Variants in STARD13 observed in about 807,000 individuals in gnomAD.
STARD13 encodes StAR related lipid transfer domain containing 13.
Under a neutral mutation model 106.4 loss-of-function variants are expected in STARD13, and 62 were observed. The ratio of observed to expected loss-of-function variants is 0.58; its 90% CI spans 0.48 to 0.72. The LOEUF is 0.72. Ranked by LOEUF, STARD13 falls within the 30% of genes least tolerant of loss-of-function variation. The pLI, the probability that STARD13 is intolerant of heterozygous loss-of-function variation, is 0.00. For synonymous variants in STARD13, 565 were observed against 553.0 expected, an observed-to-expected ratio of 1.02 and a Z score of -0.31; for missense variants, 1,387 against 1,424.0, an observed-to-expected ratio of 0.97 and a Z score of 0.42.
intron 3 of STARD13, among the ~76,000 whole-genome samples, chr13:33,142,995 A>G (rs1880036886): frequency 6.6e-6 from 1 of 152,168 alleles, no homozygotes; most frequent in African/African-American, 2.4e-5. Flanking sequence ...GTGTCCTTGT[A>G]AGAAGAGATA....
At chr13:33,308,766 C>T (rs1893023763) in intron 1 of STARD13, among the ~76,000 whole-genome samples, 1 of 152,102 alleles carries the variant, frequency 6.6e-6, no homozygotes, top group Non-Finnish European at 1.5e-5. Context: ...TCAGGTGATC[C>T]ACCCGCCTTG....
the STARD13 span, among the ~76,000 whole-genome samples, chr13:33,585,565 A>G: frequency 6.6e-6 from 1 of 152,134 alleles, no homozygotes; most frequent in African/African-American, 2.4e-5. Context: ...GTGGTGGTAC[A>G]TGCCTGTAGT....
At chr13:33,629,302 T>A in the STARD13 span, among the ~76,000 whole-genome samples, 12 of 152,356 alleles carry the variant, frequency 7.9e-5, no homozygotes, top group Admixed American at 1.3e-4. Flanking sequence ...AACTGGAAAT[T>A]ACTGGACACT....
intron 1 of STARD13, among the ~76,000 whole-genome samples, chr13:33,334,692 G>A (rs2077874459): frequency 6.6e-6 from 1 of 152,200 alleles, no homozygotes; most frequent in African/African-American, 2.4e-5. Context: ...TAGGCAGAGA[G>A]AGAGATAAAG....
At chr13:33,470,444 T>A in the STARD13 span, among the ~76,000 whole-genome samples, 1 of 152,338 alleles carries the variant, frequency 6.6e-6, no homozygotes, top group East Asian at 1.9e-4. Context: ...TACCCAGTAA[T>A]GGGCTTGCTG....
the STARD13 span, among the ~76,000 whole-genome samples, chr13:33,368,545 G>GCAGCAA: frequency 6.6e-6 from 1 of 152,168 alleles, no homozygotes; most frequent in Non-Finnish European, 1.5e-5. Context: ...AGCAGCAGCA[G>GCAGCAA]CAGCACCACC....
At chr13:33,187,217 G>A (rs1273580202) in intron 1 of STARD13, among the ~76,000 whole-genome samples, 2 of 152,206 alleles carry the variant, frequency 1.3e-5, no homozygotes, top group South Asian at 2.1e-4. Context: ...GAGGGTTGCC[G>A]GGAAGGCAGG....
chr13:33,269,224 A>C (rs1891043939), intron 1 of STARD13, among the ~76,000 whole-genome samples: 1 of 152,250 alleles, frequency 6.6e-6, no homozygotes, highest in African/African-American at 2.4e-5. Context: ...AACTACCATC[A>C]TCAGCATACT....
the STARD13 span, among the ~76,000 whole-genome samples, chr13:33,499,667 C>T: frequency 2.0e-4 from 29 of 144,170 alleles, 1 homozygote; most frequent in South Asian, 2.2e-4. Context: ...TCTTCTTCCT[C>T]GTCCTCTTCT....
At chr13:33,170,792 C>T (rs546087998) in intron 1 of STARD13, among the ~76,000 whole-genome samples, 1 of 152,114 alleles carries the variant, frequency 6.6e-6, no homozygotes, top group Non-Finnish European at 1.5e-5. Context: ...CTTGATACCT[C>T]AATTTAAGGA....
the STARD13 span, among the ~76,000 whole-genome samples, chr13:33,662,052 G>A: frequency 8.5e-4 from 129 of 152,176 alleles, no homozygotes; most frequent in African/African-American, 2.5e-3. Context: ...CACGAGGTCA[G>A]GAGATCGAGA....
intron 3 of STARD13, among the ~76,000 whole-genome samples, chr13:33,146,571 A>AT: frequency 6.6e-6 from 1 of 152,216 alleles, no homozygotes; most frequent in Admixed American, 6.5e-5. Flanking sequence ...TGCTTTGGTG[A>AT]TTTTTTGGAA....
chr13:33,360,962 ATTTT>A, the STARD13 span, among the ~76,000 whole-genome samples: 1 of 115,956 alleles, frequency 8.6e-6, no homozygotes, highest in Non-Finnish European at 1.8e-5. Flanking sequence ...CGCCCGGCTA[ATTTT>A]TTTTTTTTTT....
At chr13:33,208,313 A>C (rs1887531358) in intron 1 of STARD13, among the ~76,000 whole-genome samples, 1 of 152,148 alleles carries the variant, frequency 6.6e-6, no homozygotes, top group African/African-American at 2.4e-5. Flanking sequence ...ACACAGGCAG[A>C]GATGAGGGAG....
chr13:33,470,655 T>G, the STARD13 span, among the ~76,000 whole-genome samples: 1 of 152,272 alleles, frequency 6.6e-6, no homozygotes, highest in South Asian at 2.1e-4. Context: ...GGTTTTGATT[T>G]GCATTTCTCT....
At chr13:33,433,307 A>C in the STARD13 span, among the ~76,000 whole-genome samples, 1 of 152,214 alleles carries the variant, frequency 6.6e-6, no homozygotes, top group African/African-American at 2.4e-5. Flanking sequence ...CCTATCTCCC[A>C]GAAGACCTCA....
the STARD13 span, among the ~76,000 whole-genome samples, chr13:33,521,861 A>C: frequency 3.1e-4 from 47 of 152,266 alleles, no homozygotes; most frequent in African/African-American, 1.1e-3. Flanking sequence ...AAGAAACAAG[A>C]TGAAAAAAAA....
the STARD13 span, among the ~76,000 whole-genome samples, chr13:33,578,859 A>G: frequency 9.2e-4 from 140 of 152,258 alleles, no homozygotes; most frequent in African/African-American, 3.3e-3. Flanking sequence ...GACAATCCTC[A>G]AAAGAAGATA....
the STARD13 span, among the ~76,000 whole-genome samples, chr13:33,464,043 G>GATATATATATA: frequency 8.9e-6 from 1 of 112,758 alleles, no homozygotes; most frequent in East Asian, 3.3e-4. Flanking sequence ...ATATATATAT[G>GATATATATATA]TATATGTATA....
Sources: allele counts gnomAD v4.1 joint callset (sites outside exome capture counted in the v4.1 genomes callset), GRCh38; gene constraint gnomAD v4.1.1; transcripts MANE v1.5; gene names NCBI Gene and HGNC (gene_info 2026-07-23, HGNC 2026-07-21).